The following AGPAT1 variants were observed in gnomAD, a reference collection of about 807,000 sequenced individuals.
AGPAT1 encodes the protein 1-acyl-sn-glycerol-3-phosphate acyltransferase alpha.
A neutral mutation model predicts 31.2 loss-of-function variants in AGPAT1; 6 were observed. The observed-to-expected ratio is 0.19, with a 90% CI of 0.11 to 0.38. AGPAT1 has a LOEUF of 0.38. AGPAT1 is among the 10% of genes least tolerant of loss of function. The probability of loss-of-function intolerance (pLI) is 1.00; values close to 1 mark genes in which losing one functional copy is unlikely to be tolerated. For missense variants in AGPAT1, 187 were observed against 377.8 expected, an observed-to-expected ratio of 0.49 and a Z score of 4.19; for synonymous variants, 139 against 154.0, an observed-to-expected ratio of 0.90 and a Z score of 0.72.
In AGPAT1 at chr6:32,170,275, G is replaced by A; in HGVS notation, c.511-15C>T. 1 of 1,610,664 alleles carries A rather than the reference G, an allele frequency of 6.2e-7. No homozygotes were observed. The highest frequency in any genetic ancestry group is 2.2e-5 in the East Asian group (1 of 44,774). On this transcript the variant is annotated splice_polypyrimidine_tract_variant and intron_variant, in intron 4 of 6. Transcript: ENST00000375107. This position sits in a 1 kb window ranked among gnomAD's most constrained non-coding sequence, Gnocchi z 7.7. ...CAGACCCTCACCTGGGGGAGAAAGA[G>A]GGTCAAAGAAGACAAATACATATGG...
chr6:32,173,335 T>C lies in AGPAT1; in HGVS notation c.-9-1830A>G, dbSNP rs1388719167. Among the ~76,000 whole-genome samples the C allele has an allele frequency of 6.6e-6, 1 of 152,186 alleles. No individual in the cohort carries two copies. Among genetic ancestry groups the C allele is most frequent in the Non-Finnish European group, 1.5e-5 (1 of 68,034 alleles). ...TGCCAAGCGAGAAGGTAACAGGCAATAGAGGAAACAGGAGACCCTGCCAGT... is the reference window on the plus strand; with the variant it reads ...TGCCAAGCGAGAAGGTAACAGGCAACAGAGGAAACAGGAGACCCTGCCAGT... On this transcript the variant is annotated intron_variant, in intron 1 of 6. Transcript: ENST00000375107. The surrounding 1 kb of genome is among the most constrained non-coding windows in gnomAD (Gnocchi z 4.7).
At position 32,171,222 on chromosome 6, in the gene AGPAT1, T is replaced by C; in HGVS notation, c.200+75A>G. ...CTCTCAGTCTTTTCTACACACACCA[T>C]GCCCCCTTCCCCCAATCCACTACTC... On this transcript the variant is annotated intron_variant, in intron 2 of 6. Coordinates refer to ENST00000375107, the MANE Select transcript of AGPAT1 (RefSeq NM_006411.4). The surrounding 1 kb of genome is among the most constrained non-coding windows in gnomAD (Gnocchi z 6.9). The C allele has an allele frequency of 1.9e-6, 3 of 1,609,274 alleles. No homozygotes were observed. The highest frequency in any genetic ancestry group is 2.5e-6 in the Non-Finnish European group (3 of 1,177,566).
upstream of AGPAT1, chr6:32,176,199 T>G: frequency 1.0e-6 from 1 of 955,300 alleles, no homozygotes; most frequent in Non-Finnish European, 1.2e-6. Flanking sequence ...TGGCATCTCC[T>G]CCCCACATCT....
chr6:32,176,267 T>G (rs1462432337), upstream of AGPAT1: 1 of 596,892 alleles, frequency 1.7e-6, no homozygotes, highest in African/African-American at 2.0e-5. Context: ...TGCCCCCATC[T>G]CTGGCTCCAG....
chr6:32,176,813 A>G (rs1785598301), upstream of AGPAT1: 1 of 390,820 alleles, frequency 2.6e-6, no homozygotes, highest in South Asian at 1.4e-4. Flanking sequence ...AACATACAAT[A>G]TGGGTACATC....
Position 32,169,556 on chromosome 6 carries a change from C to G in AGPAT1, c.680-108G>C, listed in dbSNP as rs1226771674. 6.0e-6 allele frequency: 8 copies of G among 1,333,108 alleles called. No individual in the cohort carries two copies. Among genetic ancestry groups the G allele is most frequent in the Non-Finnish European group, 8.2e-6 (8 of 973,956 alleles). 82.6% of individuals were successfully genotyped at this position (1,333,108 alleles called of 1,614,324 possible). A position where few individuals can be genotyped will look rare whatever the true frequency, so the allele number is the denominator to read the frequency against. Reference sequence around the variant, plus strand: ...CCTCAACCTTTCAGTTCTCTTCCCCCAACCCTGGACAACCATCCCTGGGCT... The same window carrying G: ...CCTCAACCTTTCAGTTCTCTTCCCCGAACCCTGGACAACCATCCCTGGGCT... On this transcript the variant is annotated intron_variant, in intron 6 of 6. Coordinates refer to ENST00000375107, the MANE Select transcript of AGPAT1 (RefSeq NM_006411.4). This position sits in a 1 kb window ranked among gnomAD's most constrained non-coding sequence, Gnocchi z 5.9.
rs1010799836 is a variant in AGPAT1, at chr6:32,174,616, G to A, written c.-10+1198C>T. Among the ~76,000 whole-genome samples, 1 of 152,200 alleles carries A rather than the reference G, an allele frequency of 6.6e-6. No homozygotes were observed. ...TGCATTGAGCTCATGGACACAGACT[G>A]TACACAGCCACTGGAAAGATAATGT... On this transcript the variant is annotated intron_variant, in intron 1 of 6. Transcript: ENST00000375107. The surrounding 1 kb of genome is among the most constrained non-coding windows in gnomAD (Gnocchi z 4.5).
upstream of AGPAT1, among the ~76,000 whole-genome samples, chr6:32,176,292 T>C (rs571560310): frequency 6.6e-6 from 1 of 152,330 alleles, no homozygotes; most frequent in African/African-American, 2.4e-5. Context: ...ATCTTTTTTT[T>C]CTCTAACTCC....
upstream of AGPAT1, chr6:32,176,251 G>A: frequency 1.4e-6 from 1 of 707,868 alleles, no homozygotes; most frequent in Non-Finnish European, 1.7e-6. Flanking sequence ...GCTCTCCCTC[G>A]GTCTTTGCCC....
rs1785207741 is a variant in AGPAT1 at position 32,172,675 on chromosome 6, A to G, written c.-9-1170T>C. ...GCTGACACTGGTATGTATTGCATATATATATACGAACACAGCACACAGCAT... is the reference window on the plus strand; with the variant it reads ...GCTGACACTGGTATGTATTGCATATGTATATACGAACACAGCACACAGCAT... On this transcript the variant is annotated intron_variant, in intron 1 of 6. Transcript: ENST00000375107. The surrounding 1 kb of genome is among the most constrained non-coding windows in gnomAD (Gnocchi z 4.3). Among the ~76,000 whole-genome samples, 1 of 152,204 alleles carries G rather than the reference A, an allele frequency of 6.6e-6. No homozygotes were observed. Among genetic ancestry groups the G allele is most frequent in the Non-Finnish European group, 1.5e-5 (1 of 68,042 alleles).
Position 32,175,740 on chromosome 6 carries a change from C to G in AGPAT1, c.-10+74G>C. The G allele has an allele frequency of 1.2e-6, 1 of 838,458 alleles. No individual in the cohort carries two copies. Among genetic ancestry groups the G allele is most frequent in the Non-Finnish European group, 1.4e-6 (1 of 695,496 alleles). The allele number at this position is 838,458 out of a possible 1,614,324, so 51.9% of individuals were successfully genotyped here. On this transcript the variant is annotated intron_variant, in intron 1 of 6. Transcript: ENST00000375107. The surrounding 1 kb of genome is among the most constrained non-coding windows in gnomAD (Gnocchi z 4.5). Reference sequence around the variant, plus strand: ...CCCAGTCGGCCCTCCCAGACCCAATCTCTCCCCTTCCCCTCATCCTAGTCG... The same window carrying G: ...CCCAGTCGGCCCTCCCAGACCCAATGTCTCCCCTTCCCCTCATCCTAGTCG...
In AGPAT1 at chr6:32,169,247, C is replaced by G; in HGVS notation, c.*29G>C. The G allele has an allele frequency of 6.2e-7, 1 of 1,607,912 alleles. No individual in the cohort carries two copies. On this transcript the variant is annotated 3_prime_UTR_variant, in exon 7 of 7. Transcript: ENST00000375107. The surrounding 1 kb of genome is among the most constrained non-coding windows in gnomAD (Gnocchi z 5.9). ...GTAGGTGTGGGGAGGAAGATGGGGA[C>G]AGATGGGAGGAGAGCTCAGAGCCAG...
chr6:32,170,566 G>A lies in AGPAT1; in HGVS notation c.369C>T (p.Pro123=), dbSNP rs1180072493. ...CCCACAGTAGCTCGCGCTTGGCAAT[G>A]GGCACACAGCGGCCTGGCAGTACCT... ...MMEVLPGRCV[P]IAKRELLWAG... The change falls in exon 4 of 7, where the codon CCC becomes CCT. Residue 123 remains proline, a synonymous_variant. Transcript: ENST00000375107. This position sits in a 1 kb window ranked among gnomAD's most constrained non-coding sequence, Gnocchi z 7.7. The A allele has an allele frequency of 6.8e-6, 11 of 1,612,542 alleles. No homozygotes were observed. The highest frequency in any genetic ancestry group is 9.3e-6 in the Non-Finnish European group (11 of 1,180,032).
Position 32,175,914 on chromosome 6 carries a change from G to A in AGPAT1, c.-110C>T. The A allele has an allele frequency of 1.0e-6, 1 of 985,924 alleles. No individual in the cohort carries two copies. Among genetic ancestry groups the A allele is most frequent in the Non-Finnish European group, 1.2e-6 (1 of 830,316 alleles). 61.1% of individuals were successfully genotyped at this position (985,924 alleles called of 1,614,324 possible). A position where few individuals can be genotyped will look rare whatever the true frequency, so the allele number is the denominator to read the frequency against. ...TGTCTCTGTCTCTGTCGGGGTGTCGGTGCCAAGGGGGCGACGGGATTTGGG... is the reference window on the plus strand; with the variant it reads ...TGTCTCTGTCTCTGTCGGGGTGTCGATGCCAAGGGGGCGACGGGATTTGGG... On this transcript the variant is annotated 5_prime_UTR_variant, in exon 1 of 7. Transcript: ENST00000375107. This position sits in a 1 kb window ranked among gnomAD's most constrained non-coding sequence, Gnocchi z 4.5.
Position 32,175,976 on chromosome 6 carries a change from G to A in AGPAT1, c.-172C>T, listed in dbSNP as rs1191132713. ...CCCGGCCGATGGAGGGGAGGTGGGAGTGGGAGGTTGGGCCCATAGCGGTAG... is the reference window on the plus strand; with the variant it reads ...CCCGGCCGATGGAGGGGAGGTGGGAATGGGAGGTTGGGCCCATAGCGGTAG... On this transcript the variant is annotated 5_prime_UTR_variant, in exon 1 of 7. Coordinates refer to ENST00000375107, the MANE Select transcript of AGPAT1 (RefSeq NM_006411.4). The surrounding 1 kb of genome is among the most constrained non-coding windows in gnomAD (Gnocchi z 4.5). 1.0e-6 allele frequency: 1 copy of A among 985,510 alleles called. No individual in the cohort carries two copies. The highest frequency in any genetic ancestry group is 1.2e-6 in the Non-Finnish European group (1 of 830,156). 61.0% of individuals were successfully genotyped at this position (985,510 alleles called of 1,614,324 possible).
chr6:32,174,179 T>C lies in AGPAT1; in HGVS notation c.-10+1635A>G, dbSNP rs544807064. ...TGTCTTATCTCCAGTGCCAGGACAA[T>C]AGGAGATGGAGTAGGTGCTCAATAA... is the stretch of plus-strand genomic sequence containing the variant. On this transcript the variant is annotated intron_variant, in intron 1 of 6. Coordinates refer to ENST00000375107, the MANE Select transcript of AGPAT1 (RefSeq NM_006411.4). The surrounding 1 kb of genome is among the most constrained non-coding windows in gnomAD (Gnocchi z 4.5). 3.3e-5 allele frequency among the ~76,000 whole-genome samples: 5 copies of C among 152,196 alleles called. No individual in the cohort carries two copies. Among genetic ancestry groups the C allele is most frequent in the East Asian group, 3.9e-4 (2 of 5,180 alleles).
chr6:32,170,110 A>G lies in AGPAT1; in HGVS notation c.606+55T>C. 1 of 1,610,354 alleles carries G rather than the reference A, an allele frequency of 6.2e-7. No homozygotes were observed. Among genetic ancestry groups the G allele is most frequent in the Non-Finnish European group, 8.5e-7 (1 of 1,176,626 alleles). On this transcript the variant is annotated intron_variant, in intron 5 of 6. Coordinates refer to ENST00000375107, the MANE Select transcript of AGPAT1 (RefSeq NM_006411.4). The surrounding 1 kb of genome is among the most constrained non-coding windows in gnomAD (Gnocchi z 7.7). ...TCCTACAATAAGCCCCTGCCCAGAG[A>G]TGAGGGAATGGTGGGGGTTGGCAGC... is the stretch of plus-strand genomic sequence containing the variant.
In AGPAT1 at chr6:32,169,763, G is replaced by A. The variant is rs1784898192; in HGVS notation, c.679+203C>T. ...ATCTTTCCTGTTAAGATTAGTAACAGCCTCTCTTGGTGGGACCAAGTGCTA... is the reference window on the plus strand; with the variant it reads ...ATCTTTCCTGTTAAGATTAGTAACAACCTCTCTTGGTGGGACCAAGTGCTA... On this transcript the variant is annotated intron_variant, in intron 6 of 6. Coordinates refer to ENST00000375107, the MANE Select transcript of AGPAT1 (RefSeq NM_006411.4). This position sits in a 1 kb window ranked among gnomAD's most constrained non-coding sequence, Gnocchi z 5.9. The A allele has an allele frequency of 1.6e-6, 1 of 617,494 alleles. No individual in the cohort carries two copies. Among genetic ancestry groups the A allele is most frequent in the Non-Finnish European group, 2.9e-6 (1 of 349,558 alleles). The allele number at this position is 617,494 out of a possible 1,614,324, so 38.3% of individuals were successfully genotyped here. A position where few individuals can be genotyped will look rare whatever the true frequency, so the allele number is the denominator to read the frequency against.
chr6:32,177,501 A>C (rs1262646799), upstream of AGPAT1: 1 of 164,490 alleles, frequency 6.1e-6, no homozygotes, highest in Non-Finnish European at 1.3e-5. Context: ...TACAACATTA[A>C]GAAAGGGGTG....
Sources: gnomAD v4.1 joint callset for allele counts (sites outside exome capture counted in the v4.1 genomes callset) on GRCh38, gnomAD v4.1.1 for gene constraint, Gnocchi (gnomAD v3.1) non-coding constraint, MANE v1.5 for transcripts, NCBI Gene and HGNC (gene_info 2026-07-23, HGNC 2026-07-21) for gene names.